Variants in PIK3CB observed in about 807,000 individuals in gnomAD.
PIK3CB encodes the protein phosphatidylinositol 4,5-bisphosphate 3-kinase catalytic subunit beta isoform.
PIK3CB carries 39 observed loss-of-function variants against 136.8 expected under a neutral mutation model. That is an observed-to-expected ratio of 0.29 (90% CI 0.22 to 0.37). The LOEUF (loss-of-function observed/expected upper bound fraction) is 0.37. Among genes scored for constraint, PIK3CB ranks in the 10% least tolerant of loss-of-function variants. The pLI, the probability that PIK3CB is intolerant of heterozygous loss-of-function variation, is 1.00. For missense variants in PIK3CB, 868 were observed against 1,275.4 expected (o/e 0.68, Z 4.87); for synonymous variants, 428 against 436.6 (o/e 0.98, Z 0.25).
At chr3:138,657,462 T>A in intron 22 of PIK3CB, 1 of 451,636 alleles carries the variant, frequency 2.2e-6, no homozygotes. Flanking sequence ...TAGTATATTA[T>A]TGGAATAAAA....
chr3:138,658,075 C>T (rs920088573), intron 21 of PIK3CB, among the ~76,000 whole-genome samples: 5 of 152,118 alleles, frequency 3.3e-5, no homozygotes, highest in African/African-American at 7.2e-5. Flanking sequence ...GAAAAGGAGA[C>T]GCTTTAGAAA....
chr3:138,662,410 T>C (rs1362280695), intron 21 of PIK3CB, among the ~76,000 whole-genome samples: 1 of 151,058 alleles, frequency 6.6e-6, no homozygotes, highest in Non-Finnish European at 1.5e-5. Context: ...TGATTTCCAA[T>C]TTCATCCATG....
At chr3:138,754,655 T>G (rs550652923) in intron 4 of PIK3CB, among the ~76,000 whole-genome samples, 38 of 152,292 alleles carry the variant, frequency 2.5e-4, no homozygotes, top group African/African-American at 9.1e-4. Flanking sequence ...AATCAAATAT[T>G]TTTAAATATC....
chr3:138,671,207 T>C (rs890105116), intron 19 of PIK3CB, among the ~76,000 whole-genome samples: 3 of 152,148 alleles, frequency 2.0e-5, no homozygotes, highest in Admixed American at 2.0e-4. Context: ...CATAGCCCCA[T>C]AGATATGTAA....
At position 138,681,982 on chromosome 3, in the gene PIK3CB, G is replaced by C. The variant is rs750375278; in HGVS notation, c.2489C>G (p.Ala830Gly). ...TAGATCTCACCGAAGATCCAAACCA[G>C]CTTCTTTCCAGAGTAAATCCATCAA... ...LRLMDLLWKE[A>G]GLDLRMLPYG... The change falls in exon 19 of 24, where the codon GCT becomes GGT. Residue 830 changes from alanine to glycine, a missense_variant. By Grantham distance (60) the Ala-to-Gly change is moderately conservative. Coordinates refer to ENST00000674063, the MANE Select transcript of PIK3CB (RefSeq NM_006219.3). 5.6e-6 allele frequency: 9 copies of C among 1,603,324 alleles called. No individual in the cohort carries two copies. The highest frequency in any genetic ancestry group is 3.3e-4 in the Middle Eastern group (2 of 6,012).
At chr3:138,694,684 T>C in intron 14 of PIK3CB, 102 bp downstream of exon 14, 17 of 1,223,574 alleles carry the variant, frequency 1.4e-5, no homozygotes. Context: ...CTGTGAATAA[T>C]TCTGAGCCCT....
chr3:138,790,519 C>T (rs1196158453), intron 2 of PIK3CB, among the ~76,000 whole-genome samples: 2 of 149,856 alleles, frequency 1.3e-5, no homozygotes, highest in Non-Finnish European at 1.5e-5. Flanking sequence ...TTTTTAAACC[C>T]TGAGACCGGG....
chr3:138,830,739 AAC>A (rs1268170150), intron 1 of PIK3CB, among the ~76,000 whole-genome samples: 3 of 149,522 alleles, frequency 2.0e-5, no homozygotes, highest in South Asian at 4.2e-4. Flanking sequence ...CTCTACTAAA[AAC>A]ACACAAAAAA....
At chr3:138,733,331 T>C (rs2045029630) in intron 8 of PIK3CB, 30 bp downstream of exon 8, 1 of 1,025,508 alleles carries the variant, frequency 9.8e-7, no homozygotes, top group Non-Finnish European at 1.5e-6. Context: ...CTGGAGCGGA[T>C]GGCAAATTCA....
At chr3:138,764,786 C>T (rs542429624) in intron 2 of PIK3CB, among the ~76,000 whole-genome samples, 14 of 152,270 alleles carry the variant, frequency 9.2e-5, no homozygotes, top group African/African-American at 3.1e-4. Flanking sequence ...TCTTCAGCTC[C>T]ATATTGCCTG....
At chr3:138,755,121 T>G (rs2045541539) in intron 4 of PIK3CB, among the ~76,000 whole-genome samples, 1 of 152,226 alleles carries the variant, frequency 6.6e-6, no homozygotes, top group African/African-American at 2.4e-5. Flanking sequence ...TTAAAGATAA[T>G]TTCAGTTAAG....
intron 2 of PIK3CB, among the ~76,000 whole-genome samples, chr3:138,768,816 T>C (rs1394015327): frequency 6.6e-6 from 1 of 152,242 alleles, no homozygotes; most frequent in Admixed American, 6.5e-5. Context: ...ACACTTGGGC[T>C]TGGCCCTGAC....
intron 1 of PIK3CB, among the ~76,000 whole-genome samples, chr3:138,823,018 T>C (rs1358637337): frequency 2.0e-5 from 3 of 150,166 alleles, no homozygotes; most frequent in African/African-American, 7.3e-5. Context: ...CCTCCTGGGT[T>C]CAAGCCGATA....
chr3:138,801,657 T>A (rs1576421413), intron 1 of PIK3CB, among the ~76,000 whole-genome samples: 1 of 149,532 alleles, frequency 6.7e-6, no homozygotes, highest in African/African-American at 2.5e-5. Flanking sequence ...GATCAGGAGG[T>A]CAAGAGATCA....
At chr3:138,750,515 C>G (rs2045450298) in intron 4 of PIK3CB, among the ~76,000 whole-genome samples, 1 of 152,162 alleles carries the variant, frequency 6.6e-6, no homozygotes, top group Admixed American at 6.5e-5. Context: ...AATGCTACCA[C>G]TGATCTGACA....
intron 2 of PIK3CB, among the ~76,000 whole-genome samples, chr3:138,792,405 C>T (rs962855106): frequency 7.2e-5 from 11 of 152,150 alleles, no homozygotes; most frequent in African/African-American, 1.4e-4. Context: ...GACACAGTCT[C>T]GCTCTGTTGC....
chr3:138,826,921 T>C (rs992650937), intron 1 of PIK3CB, among the ~76,000 whole-genome samples: 4 of 152,000 alleles, frequency 2.6e-5, no homozygotes, highest in African/African-American at 9.6e-5. Flanking sequence ...AATACAAAAT[T>C]AGCTGGGCGT....
At chr3:138,695,570 A>C (rs1188994864) in intron 13 of PIK3CB, among the ~76,000 whole-genome samples, 1 of 152,198 alleles carries the variant, frequency 6.6e-6, no homozygotes, top group Non-Finnish European at 1.5e-5. Context: ...AGTATCTACC[A>C]GCTAAGTTAA....
At chr3:138,815,356 C>CA (rs56785236) in intron 1 of PIK3CB, among the ~76,000 whole-genome samples, 411 of 26,330 alleles carry the variant, frequency 0.016, 16 homozygotes, top group African/African-American at 0.05. Flanking sequence ...CATCCTGTCT[C>CA]AAAAAAAAAA....
Sources: gnomAD v4.1 joint callset for allele counts (sites outside exome capture counted in the v4.1 genomes callset) on GRCh38, gnomAD v4.1.1 for gene constraint, MANE v1.5 for transcripts, NCBI Gene and HGNC (gene_info 2026-07-23, HGNC 2026-07-21) for gene names.